The following PTPRD variants were observed in gnomAD, a reference collection of about 807,000 sequenced individuals.
PTPRD encodes the protein protein tyrosine phosphatase receptor type D.
In PTPRD, 34 loss-of-function variants were observed where a neutral mutation model predicts 214.5. The ratio of observed to expected loss-of-function variants is 0.16; its 90% CI spans 0.12 to 0.21. The LOEUF (loss-of-function observed/expected upper bound fraction) is 0.21, where lower values mean the gene tolerates loss of function less well. Among genes scored for constraint, PTPRD ranks in the 10% least tolerant of loss-of-function variants. The pLI is 1.00. For missense variants in PTPRD, 2,545 were observed against 2,398.7 expected (o/e 1.06, Z -1.27); for synonymous variants, 1,128 against 845.7 (o/e 1.33, Z -5.79).
At chr9:10,316,557 T>C (rs2096438310) in intron 3 of PTPRD, among the ~76,000 whole-genome samples, 2 of 151,994 alleles carry the variant, frequency 1.3e-5, no homozygotes, top group Admixed American at 1.3e-4. Context: ...TTTTGAATTG[T>C]GAATGATTTC....
At chr9:10,342,344 A>T (rs1281125345) in intron 2 of PTPRD, among the ~76,000 whole-genome samples, 1 of 152,124 alleles carries the variant, frequency 6.6e-6, no homozygotes, top group African/African-American at 2.4e-5. Flanking sequence ...GTTTGTAAAT[A>T]AGCACTCTAA....
At chr9:9,532,125 A>G (rs1449138770) in intron 8 of PTPRD, among the ~76,000 whole-genome samples, 2 of 152,102 alleles carry the variant, frequency 1.3e-5, no homozygotes, top group African/African-American at 4.8e-5. Context: ...TAAAATCTAA[A>G]TGAATATAAA....
chr9:9,883,080 C>A (rs1032929381), intron 5 of PTPRD, among the ~76,000 whole-genome samples: 4 of 152,096 alleles, frequency 2.6e-5, no homozygotes, highest in Admixed American at 2.6e-4. Flanking sequence ...AACTATGAGC[C>A]ATATAAGCCT....
chr9:10,359,713 A>G (rs544733701), intron 2 of PTPRD, among the ~76,000 whole-genome samples: 7 of 152,264 alleles, frequency 4.6e-5, no homozygotes, highest in Admixed American at 2.0e-4. Flanking sequence ...AATTAAACCT[A>G]TTTAACATAC....
intron 7 of PTPRD, among the ~76,000 whole-genome samples, chr9:9,659,415 G>A (rs536328701): frequency 4.0e-4 from 61 of 152,048 alleles, no homozygotes; most frequent in Non-Finnish European, 1.0e-4. Flanking sequence ...ATAATATAGT[G>A]GCTATTAACC....
At chr9:8,616,713 C>T (rs889379008) in intron 14 of PTPRD, among the ~76,000 whole-genome samples, 8 of 152,114 alleles carry the variant, frequency 5.3e-5, no homozygotes, top group African/African-American at 1.9e-4. Context: ...GAGCATATCT[C>T]ACATACAAAA....
At chr9:8,398,545 T>C (rs964255567) in intron 36 of PTPRD, among the ~76,000 whole-genome samples, 5 of 152,222 alleles carry the variant, frequency 3.3e-5, no homozygotes, top group Admixed American at 6.5e-5. Flanking sequence ...CGTAAATTCA[T>C]ATGTTAAACC....
rs2099023955 is a variant in PTPRD at position 8,940,280 on chromosome 9, C to CTCCTTTGTTTTT, written c.-104+78416_-104+78417insAAAAACAAAGGA. Reference sequence around the variant, plus strand: ...TCACACATCTCTCTCTCTCTCTCTCCTTTTTTTTTTTTTTTTTTTTGAGAT... The same window carrying CTCCTTTGTTTTT: ...TCACACATCTCTCTCTCTCTCTCTCCTCCTTTGTTTTTTTTTTTTTTTTTTTTTTTTTGAGAT... On this transcript the variant is annotated intron_variant, in intron 11 of 45. Coordinates refer to ENST00000381196, the MANE Select transcript of PTPRD (RefSeq NM_002839.4). Among the ~76,000 whole-genome samples the CTCCTTTGTTTTT allele has an allele frequency of 5.6e-5, 5 of 89,050 alleles. 1 individual carries two copies. Among genetic ancestry groups the CTCCTTTGTTTTT allele is most frequent in the African/African-American group, 2.2e-4 (5 of 22,880 alleles). 58.4% of individuals were successfully genotyped at this position (89,050 alleles called of 152,430 possible).
intron 36 of PTPRD, among the ~76,000 whole-genome samples, chr9:8,393,429 T>C (rs2135877711): frequency 6.6e-6 from 1 of 152,238 alleles, no homozygotes; most frequent in African/African-American, 2.4e-5. Context: ...GTTTTTTGGG[T>C]TTCCTGTTTG....
intron 3 of PTPRD, among the ~76,000 whole-genome samples, chr9:10,042,606 G>C (rs1211522529): frequency 6.6e-6 from 1 of 151,822 alleles, no homozygotes; most frequent in Non-Finnish European, 1.5e-5. Context: ...CATTAGTGTT[G>C]GTGAAGAAAC....
Position 8,371,161 on chromosome 9 carries a change from G to C in PTPRD, c.4661+4775C>G, listed in dbSNP as rs2081390648. Among the ~76,000 whole-genome samples the C allele has an allele frequency of 2.6e-5, 4 of 151,886 alleles. No individual in the cohort carries two copies. In the South Asian group the frequency reaches 6.2e-4, roughly 24 times the overall value. On this transcript the variant is annotated intron_variant, in intron 39 of 45. Coordinates refer to ENST00000381196, the MANE Select transcript of PTPRD (RefSeq NM_002839.4). ...TGGTAGAAAAAGGAACTCAGAAATA[G>C]TTATAAGTAAGGCAAAGGCAATTTA...
In PTPRD at chr9:8,985,026, T is replaced by C. The variant is rs1484435981; in HGVS notation, c.-104+33671A>G. On this transcript the variant is annotated intron_variant, in intron 11 of 45. Coordinates refer to ENST00000381196, the MANE Select transcript of PTPRD (RefSeq NM_002839.4). ...TTTTGATCCATTTAATTCTAACCTTTCTTGCAAGCTCAATTTTTAGAATCT... is the reference window on the plus strand; with the variant it reads ...TTTTGATCCATTTAATTCTAACCTTCCTTGCAAGCTCAATTTTTAGAATCT... Among the ~76,000 whole-genome samples the C allele has an allele frequency of 2.6e-5, 4 of 152,098 alleles. No individual in the cohort carries two copies. The East Asian group carries it at 5.8e-4, about 22-fold the overall frequency.
At chr9:8,463,396 A>G (rs976652471) in intron 32 of PTPRD, among the ~76,000 whole-genome samples, 3 of 151,554 alleles carry the variant, frequency 2.0e-5, no homozygotes, top group African/African-American at 7.3e-5. Context: ...TCTAAGAAAC[A>G]TGATTTTTTA....
intron 11 of PTPRD, among the ~76,000 whole-genome samples, chr9:8,830,431 C>CA (rs1350168645): frequency 1.3e-5 from 2 of 151,776 alleles, no homozygotes; most frequent in Non-Finnish European, 2.9e-5. Context: ...CCACAAGAAA[C>CA]AAAAAATCTT....
intron 16 of PTPRD, among the ~76,000 whole-genome samples, chr9:8,527,064 A>C (rs1232291236): frequency 6.6e-6 from 1 of 152,014 alleles, no homozygotes; most frequent in East Asian, 1.9e-4. Flanking sequence ...CTGTGATAGG[A>C]AACACTAAAG....
chr9:9,250,039 G>C (rs1271666818), intron 9 of PTPRD, among the ~76,000 whole-genome samples: 2 of 151,992 alleles, frequency 1.3e-5, no homozygotes, highest in East Asian at 3.9e-4. Flanking sequence ...AGTTAAGTAA[G>C]GGGAAATCAT....
chr9:9,360,835 A>G (rs899293580), intron 9 of PTPRD, among the ~76,000 whole-genome samples: 3 of 151,138 alleles, frequency 2.0e-5, no homozygotes, highest in Non-Finnish European at 4.5e-5. Flanking sequence ...AGTGGATTTG[A>G]TAAGTCAAGA....
At chr9:9,005,404 A>G (rs1314800216) in intron 11 of PTPRD, among the ~76,000 whole-genome samples, 1 of 138,914 alleles carries the variant, frequency 7.2e-6, no homozygotes. Flanking sequence ...CTAATAAATA[A>G]TGACTGTTAT....
At chr9:10,540,698 A>G in intron 2 of PTPRD, among the ~76,000 whole-genome samples, 1 of 152,212 alleles carries the variant, frequency 6.6e-6, no homozygotes, top group East Asian at 1.9e-4. Flanking sequence ...CTGCTCAAAA[A>G]GAATGTGGTA....
Sources: gnomAD v4.1 joint callset for allele counts (sites outside exome capture counted in the v4.1 genomes callset) on GRCh38, gnomAD v4.1.1 for gene constraint, MANE v1.5 for transcripts, NCBI Gene and HGNC (gene_info 2026-07-23, HGNC 2026-07-21) for gene names.